B4GALNT2: variants seen among roughly 807,000 people sequenced by gnomAD.
B4GALNT2 encodes N-acetylneuraminylgalactosylglucosyl-glucoside beta-1,4-N- acetylgalactosaminyltransferase 2.
In B4GALNT2, 42 loss-of-function variants were observed where a neutral mutation model predicts 51.1. That is an observed-to-expected ratio of 0.82 (90% CI 0.64 to 1.06). The LOEUF (loss-of-function observed/expected upper bound fraction) is 1.06. Ranked by LOEUF, B4GALNT2 falls within the 50% of genes least tolerant of loss-of-function variation. B4GALNT2 has a pLI of 0.00. For missense variants in B4GALNT2, 602 were observed against 633.6 expected (o/e 0.95, Z 0.54); for synonymous variants, 253 against 251.7 (o/e 1.01, Z -0.05).
the B4GALNT2 span, among the ~76,000 whole-genome samples, chr17:49,121,422 G>A: frequency 1.3e-5 from 2 of 152,220 alleles, no homozygotes; most frequent in East Asian, 3.8e-4. Flanking sequence ...AGAAAACTCA[G>A]TTATGGCACT....
chr17:49,164,593 C>T (rs746244963), intron 8 of B4GALNT2, among the ~76,000 whole-genome samples: 1 of 148,780 alleles, frequency 6.7e-6, no homozygotes, highest in East Asian at 2.0e-4. Flanking sequence ...CCTCCACCTC[C>T]TGGGTTCAAG....
chr17:49,137,150 A>G (rs2042598612), intron 1 of B4GALNT2, among the ~76,000 whole-genome samples: 1 of 152,162 alleles, frequency 6.6e-6, no homozygotes. Context: ...TCCAATAGGT[A>G]TTTTAAAAAT....
At chr17:49,153,146 C>T (rs973637956) in intron 4 of B4GALNT2, among the ~76,000 whole-genome samples, 12 of 151,764 alleles carry the variant, frequency 7.9e-5, no homozygotes, top group East Asian at 3.9e-4. Flanking sequence ...GTGCTGTGCT[C>T]ACGCCTGCCT....
At chr17:49,126,107 G>C in the B4GALNT2 span, among the ~76,000 whole-genome samples, 6 of 152,164 alleles carry the variant, frequency 3.9e-5, no homozygotes, top group South Asian at 4.1e-4. Context: ...TGCCGTGTCT[G>C]TGTAGAAAGA....
At position 49,168,838 on chromosome 17, in the gene B4GALNT2, C is replaced by T. The variant is rs746312515; in HGVS notation, c.1253C>T (p.Ala418Val). 1.2e-6 allele frequency: 2 copies of T among 1,613,676 alleles called. No individual in the cohort carries two copies. The highest frequency in any genetic ancestry group is 1.3e-5 in the African/African-American group (1 of 74,996). ...AGTGGCGTGGTCAACTTCTTCCTGG[C>T]CCACACGGAGCGACTCCAAAGAGTT... ...VTSGVVNFFL[A>V]HTERLQRVGF... Residue 418 changes from alanine to valine, a missense_variant, in exon 10 of 11, where the codon GCC becomes GTC. Coordinates refer to ENST00000393354, the MANE Select transcript of B4GALNT2 (RefSeq NM_001159387.2).
rs569140071 is a variant in B4GALNT2, at chr17:49,175,448, T to G, written c.*5720T>G. ...CATTGTAATCTGAATCAATGACTCCTGTATGTACTTGCACTCCTTTTAAAT... is the reference window on the plus strand; with the variant it reads ...CATTGTAATCTGAATCAATGACTCCGGTATGTACTTGCACTCCTTTTAAAT... On this transcript the variant is annotated 3_prime_UTR_variant, in exon 11 of 11. Transcript: ENST00000393354. The G allele has an allele frequency of 6.6e-6, 1 of 152,208 alleles. No homozygotes were observed. The highest frequency in any genetic ancestry group is 1.5e-5 in the Non-Finnish European group (1 of 68,040). 9.4% of individuals were successfully genotyped at this position (152,208 alleles called of 1,614,324 possible). A position where few individuals can be genotyped will look rare whatever the true frequency, so the allele number is the denominator to read the frequency against.
intron 1 of B4GALNT2, among the ~76,000 whole-genome samples, chr17:49,137,597 C>A (rs1393488935): frequency 6.6e-6 from 1 of 152,104 alleles, no homozygotes; most frequent in Non-Finnish European, 1.5e-5. Flanking sequence ...ACAAACCAGA[C>A]CAAGGCAGTG....
At chr17:49,142,824 G>C (rs138203473) in intron 3 of B4GALNT2, among the ~76,000 whole-genome samples, 5 of 152,196 alleles carry the variant, frequency 3.3e-5, no homozygotes, top group African/African-American at 9.7e-5. Context: ...TCATCACCAA[G>C]GTGCCCTATT....
intron 3 of B4GALNT2, among the ~76,000 whole-genome samples, chr17:49,151,793 A>G (rs2144308140): frequency 6.6e-6 from 1 of 152,138 alleles, no homozygotes; most frequent in South Asian, 2.1e-4. Context: ...CCATAAAAAT[A>G]GTTACTCTGT....
upstream of B4GALNT2, among the ~76,000 whole-genome samples, chr17:49,128,366 T>C (rs11079861): frequency 0.76 from 115,101 of 152,018 alleles, 44,042 homozygotes; most frequent in Middle Eastern, 0.86. Flanking sequence ...CAGGAGGGGC[T>C]GCCAGGGCAG....
Position 49,161,919 on chromosome 17 carries a change from A to G in B4GALNT2, c.766+1278A>G, listed in dbSNP as rs73338311. Among the ~76,000 whole-genome samples the G allele has an allele frequency of 2.9e-3, 434 of 151,874 alleles. 2 individuals carry two copies. Among genetic ancestry groups the G allele is most frequent in the African/African-American group, 0.01 (418 of 41,546 alleles). ...ACATTCTTAGGGTATAAGGCATGAC[A>G]CAAAACTCAGAGACCATAAAGAAAA... is the stretch of plus-strand genomic sequence containing the variant. On this transcript the variant is annotated intron_variant, in intron 7 of 10. Coordinates refer to ENST00000393354, the MANE Select transcript of B4GALNT2 (RefSeq NM_001159387.2).
intron 1 of B4GALNT2, among the ~76,000 whole-genome samples, chr17:49,139,127 C>T (rs73336372): frequency 0.24 from 36,664 of 152,060 alleles, 5,217 homozygotes; most frequent in African/African-American, 0.39. Context: ...AATCATTTCA[C>T]CTGTAAATAA....
chr17:49,169,472 C>G, intron 10 of B4GALNT2, 51 bp from the exon 11 acceptor site: 1 of 1,556,622 alleles, frequency 6.4e-7, no homozygotes, highest in South Asian at 1.1e-5. Flanking sequence ...GAATAGTGCC[C>G]ACTTTTCTGA....
At chr17:49,147,374 C>CT (rs1475311406) in intron 3 of B4GALNT2, among the ~76,000 whole-genome samples, 44 of 143,946 alleles carry the variant, frequency 3.1e-4, no homozygotes, top group African/African-American at 1.1e-3. Flanking sequence ...TCTTTTCTTT[C>CT]TTTCTTTTTT....
intron 3 of B4GALNT2, 125 bp from the exon 4 acceptor site, chr17:49,152,675 G>T (rs999867251): frequency 7.6e-6 from 5 of 653,852 alleles, no homozygotes; most frequent in Non-Finnish European, 1.3e-5. Context: ...GAGGGAGACA[G>T]GGACAACCCA....
chr17:49,138,077 G>A (rs1421939215), intron 1 of B4GALNT2, among the ~76,000 whole-genome samples: 1 of 152,220 alleles, frequency 6.6e-6, no homozygotes, highest in African/African-American at 2.4e-5. Context: ...AGTGTTCCTA[G>A]TTCCGGGGAT....
At chr17:49,132,166 G>A (rs2042544750), upstream of B4GALNT2, among the ~76,000 whole-genome samples, 1 of 152,106 alleles carries the variant, frequency 6.6e-6, no homozygotes, top group African/African-American at 2.4e-5. Flanking sequence ...TGGGTCATTA[G>A]AATACAATAT....
At chr17:49,147,964 AAT>A (rs2042712301) in intron 3 of B4GALNT2, among the ~76,000 whole-genome samples, 1 of 131,326 alleles carries the variant, frequency 7.6e-6, no homozygotes, top group South Asian at 2.4e-4. Flanking sequence ...TTTTTTATTC[AAT>A]TATATATATA....
chr17:49,150,731 C>A (rs545457272), intron 3 of B4GALNT2, among the ~76,000 whole-genome samples: 79 of 150,898 alleles, frequency 5.2e-4, no homozygotes, highest in African/African-American at 1.8e-3. Context: ...GCAGCATGCT[C>A]GTTAAGAGTC....
Sources: gnomAD v4.1 joint callset for allele counts (sites outside exome capture counted in the v4.1 genomes callset) on GRCh38, gnomAD v4.1.1 for gene constraint, MANE v1.5 for transcripts, NCBI Gene and HGNC (gene_info 2026-07-23, HGNC 2026-07-21) for gene names.